Variants in RREB1 observed in about 807,000 individuals in gnomAD.
RREB1 encodes the protein ras responsive element binding protein 1.
In RREB1, 27 loss-of-function variants were observed where a neutral mutation model predicts 117.8. The observed-to-expected ratio is 0.23, with a 90% confidence interval of 0.17 to 0.32. The LOEUF is 0.32. Ranked by LOEUF, RREB1 falls within the 10% of genes least tolerant of loss-of-function variation. RREB1 has a pLI of 1.00. For synonymous variants in RREB1, 1,298 were observed against 1,026.7 expected (o/e 1.26, Z -5.05); for missense variants, 2,577 against 2,378.2 (o/e 1.08, Z -1.74).
intron 11 of RREB1, among the ~76,000 whole-genome samples, chr6:7,242,049 A>G (rs1366501153): frequency 1.3e-5 from 2 of 152,142 alleles, no homozygotes; most frequent in East Asian, 1.9e-4. Flanking sequence ...AGTCTGGAAC[A>G]TTTTCTTTCA....
chr6:7,117,530 C>T lies in RREB1; in HGVS notation c.-285+9470C>T, dbSNP rs551836780. 1.4e-4 allele frequency among the ~76,000 whole-genome samples: 21 copies of T among 149,986 alleles called. No individual in the cohort carries two copies. The East Asian group carries it at 1.8e-3, about 13-fold the overall frequency. ...GGTTCAAGCGATTCTCTTAGCCTCC[C>T]GAGTAGCTGGGATTACAGGCGCCTA... On this transcript the variant is annotated intron_variant, in intron 1 of 12. Transcript: ENST00000379938.
Position 7,249,999 on chromosome 6 carries a change from G to T in RREB1, c.*1031G>T, listed in dbSNP as rs946101511. 1 of 152,570 alleles carries T rather than the reference G, an allele frequency of 6.6e-6. No individual in the cohort carries two copies. Among genetic ancestry groups the T allele is most frequent in the Non-Finnish European group, 1.5e-5 (1 of 68,050 alleles). 9.5% of individuals were successfully genotyped at this position (152,570 alleles called of 1,614,324 possible). On this transcript the variant is annotated 3_prime_UTR_variant, in exon 13 of 13. Transcript: ENST00000379938. ...GACAAGCCTTTCTTCTGTCACTGCA[G>T]AATTTAGAAGGGGCCGTGAGCAGTC...
At chr6:7,235,900 G>A (rs1768282857) in intron 10 of RREB1, among the ~76,000 whole-genome samples, 1 of 152,138 alleles carries the variant, frequency 6.6e-6, no homozygotes, top group Non-Finnish European at 1.5e-5. Context: ...TCTTGCTCCC[G>A]GCTCAGGTTC....
chr6:7,159,142 T>G (rs573637630), intron 1 of RREB1, among the ~76,000 whole-genome samples: 1 of 152,274 alleles, frequency 6.6e-6, no homozygotes, highest in South Asian at 2.1e-4. Flanking sequence ...TGACTTAAAT[T>G]TAAAAGGATC....
rs768272297 is a variant in RREB1, at chr6:7,182,014, G to A, written c.103G>A (p.Gly35Arg). 2.7e-5 allele frequency: 44 copies of A among 1,613,874 alleles called. 1 individual carries two copies. The South Asian group carries it at 3.2e-4, about 12-fold the overall frequency. Residue 35 changes from glycine (G) to arginine (R), a missense_variant, in exon 4 of 13, where the codon GGG (glycine) becomes AGG (arginine). Physicochemically the swap from Gly to Arg is moderately radical, Grantham distance 125. Coordinates refer to ENST00000379938, the MANE Select transcript of RREB1 (RefSeq NM_001003699.4). ...TGTAGGGAAGGTCACAGAGAATGGC[G>A]GGAGCCCCCAGGGGATCAAGTCCCC... is the stretch of plus-strand genomic sequence containing the variant. Reference protein sequence around the residue: ...MSVGKVTENGGSPQGIKSPSK... With the variant: ...MSVGKVTENGRSPQGIKSPSK...
At chr6:7,158,995 C>A (rs1677212210) in intron 1 of RREB1, among the ~76,000 whole-genome samples, 1 of 152,118 alleles carries the variant, frequency 6.6e-6, no homozygotes, top group Admixed American at 6.5e-5. Context: ...AAATCACAGT[C>A]ACTTTTCCCA....
rs150527788 is a variant in RREB1 at position 7,229,703 on chromosome 6, C to G, written c.1604C>G (p.Pro535Arg). ...PPLINAQQASPGCISPSLPPP... is the reference protein window; with the variant it reads ...PPLINAQQASRGCISPSLPPP... ...CTCATCAACGCCCAGCAGGCTTCCC[C>G]GGGCTGTATCAGCCCCAGCCTGCCG... Residue 535 changes from proline to arginine, a missense_variant, in exon 10 of 13, where the codon CCG becomes CGG. Transcript: ENST00000379938. The surrounding 1 kb of genome is among the most constrained non-coding windows in gnomAD (Gnocchi z 4.5). The G allele has an allele frequency of 2.5e-6, 4 of 1,607,496 alleles. No individual in the cohort carries two copies. Among genetic ancestry groups the G allele is most frequent in the Non-Finnish European group, 3.4e-6 (4 of 1,176,466 alleles).
intron 1 of RREB1, among the ~76,000 whole-genome samples, chr6:7,117,429 A>G (rs1761460739): frequency 1.5e-5 from 1 of 67,138 alleles, no homozygotes; most frequent in Admixed American, 2.3e-4. Context: ...TTTTTTTGAG[A>G]CGAAGTGTTT....
intron 8 of RREB1, among the ~76,000 whole-genome samples, chr6:7,225,142 A>G (rs1767509815): frequency 6.6e-6 from 1 of 152,226 alleles, no homozygotes; most frequent in South Asian, 2.1e-4. Flanking sequence ...TCACTGATGT[A>G]CATGCAGTGT....
At chr6:7,123,684 C>T (rs1761780016) in intron 1 of RREB1, among the ~76,000 whole-genome samples, 1 of 145,634 alleles carries the variant, frequency 6.9e-6, no homozygotes, top group South Asian at 2.2e-4. Flanking sequence ...GACCTCAGCT[C>T]ACTGCAAGCT....
rs376195518 is a variant in RREB1, at chr6:7,226,590, T to C, written c.831T>C (p.Ile277=). ...CTTTCATACAGAACAACCCTTCAAT[T>C]CCTGCTGGCTTCCACGACTTAGGAT... ...GRPFIQNNPS[I]PAGFHDLGFT... is the part of the protein sequence containing the mutation. Residue 277 remains isoleucine (I), a synonymous_variant, in exon 9 of 13, where the codon ATT becomes ATC. Transcript: ENST00000379938. The C allele has an allele frequency of 5.0e-6, 8 of 1,614,034 alleles. No homozygotes were observed. In the African/African-American group the frequency reaches 6.7e-5, roughly 13 times the overall value.
At chr6:7,247,251 A>G (rs1165965329) in intron 12 of RREB1, 30 bp downstream of exon 12, 1 of 1,587,038 alleles carries the variant, frequency 6.3e-7, no homozygotes, top group African/African-American at 1.4e-5. Flanking sequence ...TCCCCGGCCC[A>G]ACAAGAGGAG....
chr6:7,127,948 G>A (rs546705848), intron 1 of RREB1, among the ~76,000 whole-genome samples: 69 of 152,222 alleles, frequency 4.5e-4, no homozygotes, highest in African/African-American at 1.5e-3. Flanking sequence ...TGAAAAGTTA[G>A]AGTGGATGTG....
intron 11 of RREB1, among the ~76,000 whole-genome samples, chr6:7,245,241 C>A (rs1313078548): frequency 1.3e-5 from 2 of 152,042 alleles, no homozygotes; most frequent in African/African-American, 2.4e-5. Flanking sequence ...ACTAAAAATA[C>A]AAAAATCAGC....
At chr6:7,185,438 C>T (rs890419336) in intron 4 of RREB1, among the ~76,000 whole-genome samples, 11 of 152,052 alleles carry the variant, frequency 7.2e-5, no homozygotes, top group East Asian at 1.9e-4. Context: ...GGTGTGGTGG[C>T]GCACACCTGT....
At chr6:7,121,449 A>C (rs1028992768) in intron 1 of RREB1, among the ~76,000 whole-genome samples, 10 of 152,158 alleles carry the variant, frequency 6.6e-5, no homozygotes, top group Non-Finnish European at 1.5e-5. Flanking sequence ...TCTTAGTTGG[A>C]ACCACATAAA....
chr6:7,121,569 T>C (rs574909487), intron 1 of RREB1, among the ~76,000 whole-genome samples: 2 of 152,252 alleles, frequency 1.3e-5, no homozygotes, highest in East Asian at 3.9e-4. Flanking sequence ...ACACTTGTTG[T>C]GTATCTAATG....
chr6:7,196,207 TTTTTTTTTTCGTTTTTTTTTTTTG>T (rs1182606484), intron 6 of RREB1, among the ~76,000 whole-genome samples: 1 of 141,204 alleles, frequency 7.1e-6, no homozygotes, highest in Non-Finnish European at 1.5e-5. Flanking sequence ...TGTTTTTTGG[TTTTTTTTTTCGTTTTTTTTTTTTG>T]TTTTTTTTTT....
chr6:7,219,309 G>A (rs1196417608), intron 8 of RREB1, among the ~76,000 whole-genome samples: 2 of 152,056 alleles, frequency 1.3e-5, no homozygotes, highest in African/African-American at 4.8e-5. Flanking sequence ...ATTTACTTTT[G>A]TTTTCTTAAG....
Sources: gnomAD v4.1 joint callset for allele counts (sites outside exome capture counted in the v4.1 genomes callset) on GRCh38, gnomAD v4.1.1 for gene constraint, Gnocchi (gnomAD v3.1) non-coding constraint, MANE v1.5 for transcripts, NCBI Gene and HGNC (gene_info 2026-07-23, HGNC 2026-07-21) for gene names.